The following NAV2 variants were observed in gnomAD, a reference collection of about 807,000 sequenced individuals.
NAV2 encodes helicase, APC down-regulated 1.
NAV2 carries 54 observed loss-of-function variants against 223.2 expected under a neutral mutation model. The observed-to-expected ratio is 0.24, with a 90% CI of 0.19 to 0.30. The LOEUF is 0.30. Ranked by LOEUF, NAV2 falls within the 10% of genes least tolerant of loss-of-function variation. The pLI, the probability that NAV2 is intolerant of heterozygous loss-of-function variation, is 1.00. For missense variants in NAV2, 2,806 were observed against 3,147.5 expected (o/e 0.89, Z 2.60); for synonymous variants, 1,279 against 1,239.3 (o/e 1.03, Z -0.67).
chr11:20,002,508 G>A (rs2052649422), intron 11 of NAV2, among the ~76,000 whole-genome samples: 1 of 152,188 alleles, frequency 6.6e-6, no homozygotes, highest in Non-Finnish European at 1.5e-5. Context: ...AAGGCTTCCT[G>A]GAGGTGGTAG....
intron 1 of NAV2, among the ~76,000 whole-genome samples, chr11:19,561,348 G>A (rs1390342674): frequency 1.3e-5 from 2 of 152,270 alleles, no homozygotes; most frequent in South Asian, 2.1e-4. Context: ...AGGGAAGGGG[G>A]ACACTGCTGG....
intron 5 of NAV2, chr11:19,884,228 T>C: frequency 8.4e-7 from 1 of 1,188,800 alleles, no homozygotes; most frequent in South Asian, 1.3e-5. Flanking sequence ...TCTTAGGATT[T>C]GTGTGTCTAA....
chr11:19,621,031 G>C (rs1348710678), intron 1 of NAV2, among the ~76,000 whole-genome samples: 1 of 152,094 alleles, frequency 6.6e-6, no homozygotes, highest in Non-Finnish European at 1.5e-5. Flanking sequence ...TGTGGTTTTT[G>C]TCTTTGATTC....
chr11:19,934,526 G>A (rs1237854863), intron 7 of NAV2, among the ~76,000 whole-genome samples: 1 of 152,098 alleles, frequency 6.6e-6, no homozygotes, highest in Non-Finnish European at 1.5e-5. Flanking sequence ...CTGATCCCAG[G>A]ATGCATAGGA....
intron 1 of NAV2, among the ~76,000 whole-genome samples, chr11:19,606,137 G>A (rs1590662350): frequency 1.3e-5 from 2 of 152,348 alleles, no homozygotes; most frequent in Non-Finnish European, 2.9e-5. Flanking sequence ...CTTTATTGCA[G>A]TTAGGAATAA....
chr11:19,821,848 G>A (rs1440128698), intron 1 of NAV2, among the ~76,000 whole-genome samples: 1 of 152,114 alleles, frequency 6.6e-6, no homozygotes, highest in Non-Finnish European at 1.5e-5. Context: ...TGCTTTTTCC[G>A]CACTGCTGTA....
Position 20,118,587 on chromosome 11 carries a change from G to GT in NAV2, c.*329_*330insT, listed in dbSNP as rs1565123089. On this transcript the variant is annotated 3_prime_UTR_variant, in exon 38 of 38. Transcript: ENST00000349880. ...GTTGAAATGAAAAGAGAGACAGAGAGAAAAAAAAAAAGAGAACCCACATGA... is the reference window on the plus strand; with the variant it reads ...GTTGAAATGAAAAGAGAGACAGAGAGTAAAAAAAAAAAGAGAACCCACATGA... The GT allele has an allele frequency of 4.6e-4, 37 of 79,760 alleles. No individual in the cohort carries two copies. The highest frequency in any genetic ancestry group is 9.8e-4 in the Non-Finnish European group (31 of 31,496). 4.9% of individuals were successfully genotyped at this position (79,760 alleles called of 1,614,324 possible). A position where few individuals can be genotyped will look rare whatever the true frequency, so the allele number is the denominator to read the frequency against.
At chr11:19,669,946 C>A (rs1180230680) in intron 1 of NAV2, among the ~76,000 whole-genome samples, 3 of 152,170 alleles carry the variant, frequency 2.0e-5, no homozygotes, top group Non-Finnish European at 4.4e-5. Context: ...TAATCATATG[C>A]CCTGCATACA....
Position 20,118,390 on chromosome 11 carries a change from C to A in NAV2, c.*132C>A, listed in dbSNP as rs934224142. 4 of 1,107,966 alleles carry A rather than the reference C, an allele frequency of 3.6e-6. No individual in the cohort carries two copies. The highest frequency in any genetic ancestry group is 5.2e-6 in the Non-Finnish European group (4 of 772,054). 68.6% of individuals were successfully genotyped at this position (1,107,966 alleles called of 1,614,324 possible). ...TAGAGCTGCGGGAACACCGAGACCCCCCGTCCTTCAGCCTCGACCTGGGTG... is the reference window on the plus strand; with the variant it reads ...TAGAGCTGCGGGAACACCGAGACCCACCGTCCTTCAGCCTCGACCTGGGTG... On this transcript the variant is annotated 3_prime_UTR_variant, in exon 38 of 38. Transcript: ENST00000349880.
chr11:19,820,825 T>C (rs997654588), intron 1 of NAV2, among the ~76,000 whole-genome samples: 40 of 152,122 alleles, frequency 2.6e-4, no homozygotes, highest in Admixed American at 2.6e-3. Flanking sequence ...GAGTGAGAGA[T>C]TGTAGATGAG....
At chr11:19,780,089 CA>C (rs1358337692) in intron 1 of NAV2, among the ~76,000 whole-genome samples, 1 of 152,190 alleles carries the variant, frequency 6.6e-6, no homozygotes, top group Non-Finnish European at 1.5e-5. Flanking sequence ...CTAATTGGAT[CA>C]AAAATAAGGC....
At chr11:19,919,671 G>A (rs2044108328) in intron 6 of NAV2, among the ~76,000 whole-genome samples, 1 of 152,218 alleles carries the variant, frequency 6.6e-6, no homozygotes, top group South Asian at 2.1e-4. Context: ...CCAAAATTTG[G>A]TGTAGCTACA....
At chr11:20,069,399 C>A (rs1418034002) in intron 22 of NAV2, among the ~76,000 whole-genome samples, 1 of 152,104 alleles carries the variant, frequency 6.6e-6, no homozygotes, top group African/African-American at 2.4e-5. Context: ...AGTGTCTGAG[C>A]TGTTGGGGTG....
intron 1 of NAV2, among the ~76,000 whole-genome samples, chr11:19,599,829 G>A (rs1006829508): frequency 6.6e-6 from 1 of 152,122 alleles, no homozygotes; most frequent in Non-Finnish European, 1.5e-5. Flanking sequence ...TACTGGGAAC[G>A]TTTCCCTTCA....
chr11:19,418,095 G>A (rs1171328340), intron 1 of NAV2, among the ~76,000 whole-genome samples: 3 of 152,134 alleles, frequency 2.0e-5, no homozygotes, highest in African/African-American at 4.8e-5. Context: ...TTCTGCACAT[G>A]TATCTCAGAA....
chr11:20,047,339 A>C (rs886484032), intron 14 of NAV2, among the ~76,000 whole-genome samples: 1 of 152,196 alleles, frequency 6.6e-6, no homozygotes, highest in Admixed American at 6.5e-5. Flanking sequence ...CTAAATCGTT[A>C]AGGTATTCTT....
chr11:19,551,358 A>T (rs2044684636), intron 1 of NAV2, among the ~76,000 whole-genome samples: 1 of 152,240 alleles, frequency 6.6e-6, no homozygotes, highest in African/African-American at 2.4e-5. Flanking sequence ...CATCTCTGTG[A>T]GGAGGGGATC....
intron 11 of NAV2, among the ~76,000 whole-genome samples, chr11:19,996,447 C>T (rs933372789): frequency 1.3e-5 from 2 of 152,212 alleles, no homozygotes; most frequent in African/African-American, 4.8e-5. Flanking sequence ...GGCTCAGGCT[C>T]AGGCCAAGCT....
rs758298129 is a variant in NAV2, at chr11:20,045,015, A to G, written c.3247A>G (p.Lys1083Glu). The G allele has an allele frequency of 6.2e-7, 1 of 1,613,974 alleles. No individual in the cohort carries two copies. The part of the protein sequence containing the change: ...KVSEKGRLSP[K>E]ASQVKRSPSD... ...GTCTGAGAAAGGAAGGCTTTCTCCT[A>G]AAGCCTCCCAGGTGAAGCGCTCCCC... Residue 1083 changes from lysine to glutamate, a missense_variant, in exon 14 of 38, where the codon AAA (lysine) becomes GAA (glutamate). By Grantham distance (56) the Lys-to-Glu change is moderately conservative (BLOSUM62 1). Coordinates refer to ENST00000349880, the MANE Select transcript of NAV2 (RefSeq NM_145117.5).
Sources: gnomAD v4.1 joint callset for allele counts (sites outside exome capture counted in the v4.1 genomes callset) on GRCh38, gnomAD v4.1.1 for gene constraint, MANE v1.5 for transcripts, NCBI Gene and HGNC (gene_info 2026-07-23, HGNC 2026-07-21) for gene names.